PFKFB3: variants seen among roughly 807,000 people sequenced by gnomAD.
PFKFB3 encodes the protein 6-phosphofructo-2-kinase/fructose-2,6-bisphosphatase 3.
A neutral mutation model predicts 68.0 loss-of-function variants in PFKFB3; 33 were observed. The observed-to-expected ratio is 0.49, with a 90% CI of 0.37 to 0.65. The LOEUF is 0.65. PFKFB3 is among the 30% of genes least tolerant of loss of function. The pLI is 0.00. For synonymous variants in PFKFB3, 315 were observed against 288.2 expected (o/e 1.09, Z -0.94); for missense variants, 586 against 712.2 (o/e 0.82, Z 2.02).
chr10:6,305,002 G>A, the PFKFB3 span, among the ~76,000 whole-genome samples: 2 of 40,074 alleles, frequency 5.0e-5, no homozygotes, highest in Non-Finnish European at 1.1e-4. Flanking sequence ...AAAAATATTA[G>A]GAATTTTTTT....
chr10:6,294,284 A>G, the PFKFB3 span: 1 of 504,818 alleles, frequency 2.0e-6, no homozygotes, highest in Non-Finnish European at 4.0e-6. Flanking sequence ...CTGTTCTCAC[A>G]CTGTTAATAA....
chr10:6,272,022 G>C, the PFKFB3 span, among the ~76,000 whole-genome samples: 1 of 152,208 alleles, frequency 6.6e-6, no homozygotes, highest in Non-Finnish European at 1.5e-5. Context: ...ATAGACCAGA[G>C]GGTGGGATAG....
intron 1 of PFKFB3, chr10:6,146,644 A>T: frequency 1.3e-6 from 1 of 792,326 alleles, no homozygotes; most frequent in Non-Finnish European, 2.0e-6. Flanking sequence ...TGGTTGGGAA[A>T]CTCCTAAAAG....
chr10:6,162,622 T>A (rs1304784700), intron 1 of PFKFB3, among the ~76,000 whole-genome samples: 1 of 152,240 alleles, frequency 6.6e-6, no homozygotes, highest in Non-Finnish European at 1.5e-5. Flanking sequence ...CAATGTGGAC[T>A]CCGGGATTTT....
intron 14 of PFKFB3, among the ~76,000 whole-genome samples, chr10:6,251,130 G>T (rs1355006111): frequency 6.6e-6 from 1 of 152,214 alleles, no homozygotes; most frequent in East Asian, 1.9e-4. Context: ...ATATTTTCCA[G>T]CTCAAATATT....
At chr10:6,273,822 C>A in the PFKFB3 span, among the ~76,000 whole-genome samples, 7 of 152,154 alleles carry the variant, frequency 4.6e-5, no homozygotes, top group Non-Finnish European at 1.0e-4. Flanking sequence ...AGGACAGACA[C>A]CTGGATAGCT....
downstream of PFKFB3, among the ~76,000 whole-genome samples, chr10:6,238,561 T>G (rs974683606): frequency 2.0e-5 from 3 of 152,096 alleles, no homozygotes; most frequent in African/African-American, 7.2e-5. Context: ...TTTTTTTTTT[T>G]TTAACTTTTA....
the PFKFB3 span, among the ~76,000 whole-genome samples, chr10:6,316,857 C>A: frequency 6.6e-6 from 1 of 152,172 alleles, no homozygotes; most frequent in African/African-American, 2.4e-5. Flanking sequence ...CCCTGCTAGG[C>A]TGGAAGACTC....
intron 14 of PFKFB3, among the ~76,000 whole-genome samples, chr10:6,232,605 G>A (rs182621503): frequency 8.2e-4 from 125 of 152,262 alleles, no homozygotes; most frequent in African/African-American, 2.7e-3. Context: ...GGTGCCCAGC[G>A]CCGCGCAGCT....
Position 6,203,002 on chromosome 10 carries a change from C to G in PFKFB3, c.-259C>G. On this transcript the variant is annotated 5_prime_UTR_variant, in exon 1 of 15. In the 5' UTR this introduces an upstream ATG that the reference lacks. Coordinates refer to ENST00000379775, the MANE Select transcript of PFKFB3 (RefSeq NM_004566.4). ...CGCGGCTGTCACTGCGCCCGAGCAT[C>G]CCAGAGCTTTCCGAGCGGACGAGCC... The G allele has an allele frequency of 1.5e-6, 2 of 1,360,486 alleles. No individual in the cohort carries two copies. Among genetic ancestry groups the G allele is most frequent in the South Asian group, 1.6e-5 (1 of 61,092 alleles). 84.3% of individuals were successfully genotyped at this position (1,360,486 alleles called of 1,614,324 possible).
At chr10:6,182,620 G>A (rs1842750065) in intron 1 of PFKFB3, among the ~76,000 whole-genome samples, 1 of 152,196 alleles carries the variant, frequency 6.6e-6, no homozygotes, top group African/African-American at 2.4e-5. Flanking sequence ...GCCGGGATGT[G>A]GCCTCGAGGC....
chr10:6,216,218 G>T (rs376785737), intron 4 of PFKFB3, 27 bp downstream of exon 4: 1 of 1,606,458 alleles, frequency 6.2e-7, no homozygotes, highest in Non-Finnish European at 8.5e-7. Context: ...TAGCCGGCTC[G>T]GTGTCCAGTC....
At position 6,220,949 on chromosome 10, in the gene PFKFB3, T is replaced by A; in HGVS notation, c.831+84T>A. 8.6e-7 allele frequency: 1 copy of A among 1,156,280 alleles called. No individual in the cohort carries two copies. The highest frequency in any genetic ancestry group is 1.2e-5 in the South Asian group (1 of 80,984). The allele number at this position is 1,156,280 out of a possible 1,614,324, so 71.6% of individuals were successfully genotyped here. A position where few individuals can be genotyped will look rare whatever the true frequency, so the allele number is the denominator to read the frequency against. On this transcript the variant is annotated intron_variant, in intron 8 of 14. Transcript: ENST00000379775. The surrounding 1 kb of genome is among the most constrained non-coding windows in gnomAD (Gnocchi z 4.1). ...GGGTGGGTGGGGAGCTGTGTGCTGC[T>A]GCTGCTGCTGCTGCTGCTGCTTGGT...
At chr10:6,320,683 C>A in the PFKFB3 span, among the ~76,000 whole-genome samples, 1 of 152,166 alleles carries the variant, frequency 6.6e-6, no homozygotes, top group Non-Finnish European at 1.5e-5. Context: ...CCTCAGTTGC[C>A]CAAAGTGCTG....
At chr10:6,200,632 T>C (rs112334388), upstream of PFKFB3, among the ~76,000 whole-genome samples, 218 of 107,822 alleles carry the variant, frequency 2.0e-3, no homozygotes, top group African/African-American at 7.7e-3. Flanking sequence ...TCCCACGCAC[T>C]CCCAGTTTGC....
Position 6,203,292 on chromosome 10 carries a change from A to G in PFKFB3, c.32A>G (p.Gln11Arg). 1 of 1,611,136 alleles carries G rather than the reference A, an allele frequency of 6.2e-7. No homozygotes were observed. The highest frequency in any genetic ancestry group is 1.3e-5 in the African/African-American group (1 of 74,656). The change falls in exon 1 of 15, where the codon CAG (glutamine) becomes CGG (arginine). Residue 11 changes from glutamine (Q) to arginine (R), a missense_variant. Physicochemically the swap from Gln to Arg is conservative, Grantham distance 43. Coordinates refer to ENST00000379775, the MANE Select transcript of PFKFB3 (RefSeq NM_004566.4). The part of the protein sequence containing the change: MPLELTQSRV[Q>R]KIWVPVDHRP... ...TTGGAACTGACGCAGAGCCGAGTGC[A>G]GAAGATCTGGGTGCCCGTGGACCAC...
chr10:6,271,494 T>G, the PFKFB3 span, among the ~76,000 whole-genome samples: 1 of 152,324 alleles, frequency 6.6e-6, no homozygotes, highest in East Asian at 1.9e-4. Flanking sequence ...GGAAGCCGAA[T>G]TCTTTGAGAG....
chr10:6,274,270 A>C, the PFKFB3 span, among the ~76,000 whole-genome samples: 1 of 151,880 alleles, frequency 6.6e-6, no homozygotes, highest in Non-Finnish European at 1.5e-5. Context: ...CGACATCCTC[A>C]GCACACTAAT....
chr10:6,310,267 G>A, the PFKFB3 span, among the ~76,000 whole-genome samples: 432 of 152,196 alleles, frequency 2.8e-3, 1 homozygote, highest in South Asian at 9.3e-3. Flanking sequence ...TCCTGTCCCT[G>A]GATGGAAACT....
Sources: gnomAD v4.1 joint callset for allele counts (sites outside exome capture counted in the v4.1 genomes callset) on GRCh38, gnomAD v4.1.1 for gene constraint, Gnocchi (gnomAD v3.1) non-coding constraint, MANE v1.5 for transcripts, NCBI Gene and HGNC (gene_info 2026-07-23, HGNC 2026-07-21) for gene names.